MGAT4C: variants seen among roughly 807,000 people sequenced by gnomAD.
MGAT4C encodes MGAT4 family member C, also known as alpha-1,3-mannosyl-glycoprotein 4-beta-N-acetylglucosaminyltransferase C.
Under a neutral mutation model 40.1 loss-of-function variants are expected in MGAT4C, and 19 were observed. The observed-to-expected ratio is 0.47, with a 90% CI of 0.33 to 0.70. MGAT4C has a LOEUF of 0.70. Ranked by LOEUF, MGAT4C falls within the 30% of genes least tolerant of loss-of-function variation. MGAT4C has a pLI of 0.02. For synonymous variants in MGAT4C, 181 were observed against 187.1 expected (o/e 0.97, Z 0.27); for missense variants, 491 against 563.2 (o/e 0.87, Z 1.30).
At chr12:86,027,072 T>C (rs945022661) in intron 2 of MGAT4C, among the ~76,000 whole-genome samples, 1 of 151,956 alleles carries the variant, frequency 6.6e-6, no homozygotes, top group Admixed American at 6.6e-5. Flanking sequence ...AACACATAAC[T>C]ACAATGAATC....
Position 85,969,124 on chromosome 12 carries a change from A to G in MGAT4C, c.*10165T>C, listed in dbSNP as rs1274702457. 6.6e-6 allele frequency: 1 copy of G among 151,764 alleles called. No individual in the cohort carries two copies. Among genetic ancestry groups the G allele is most frequent in the Admixed American group, 6.6e-5 (1 of 15,204 alleles). The allele number at this position is 151,764 out of a possible 1,614,324, so 9.4% of individuals were successfully genotyped here. ...CTAGATTTACAGGGAAGAATTCAGTAGTCTGAAACACACATTTTCAATATA... is the reference window on the plus strand; with the variant it reads ...CTAGATTTACAGGGAAGAATTCAGTGGTCTGAAACACACATTTTCAATATA... On this transcript the variant is annotated 3_prime_UTR_variant, in exon 5 of 5. Coordinates refer to ENST00000611864, the MANE Select transcript of MGAT4C (RefSeq NM_001351288.2).
At chr12:86,567,846 T>A (rs141395368) in intron 2 of MGAT4C, among the ~76,000 whole-genome samples, 1 of 152,324 alleles carries the variant, frequency 6.6e-6, no homozygotes, top group Non-Finnish European at 1.5e-5. Flanking sequence ...GAAAATGTCT[T>A]CATTTTATTT....
intron 2 of MGAT4C, among the ~76,000 whole-genome samples, chr12:86,629,667 G>A (rs1962961832): frequency 2.0e-5 from 3 of 152,202 alleles, no homozygotes; most frequent in South Asian, 2.1e-4. Flanking sequence ...GGTACATAAC[G>A]AAATGAAGGC....
intron 2 of MGAT4C, among the ~76,000 whole-genome samples, chr12:86,490,680 A>T (rs1267908943): frequency 6.6e-6 from 1 of 151,676 alleles, no homozygotes; most frequent in African/African-American, 2.4e-5. Context: ...AGGAAAGCAG[A>T]GACACACATA....
intron 4 of MGAT4C, among the ~76,000 whole-genome samples, chr12:86,297,097 T>G (rs1034813198): frequency 1.1e-4 from 16 of 152,160 alleles, no homozygotes; most frequent in Admixed American, 4.6e-4. Context: ...GTAAAAGAAC[T>G]TTACAGAAGA....
chr12:86,618,995 T>C (rs1962552505), intron 2 of MGAT4C, among the ~76,000 whole-genome samples: 1 of 149,336 alleles, frequency 6.7e-6, no homozygotes, highest in South Asian at 2.1e-4. Context: ...AAAGTAACAA[T>C]AAAATATAAT....
chr12:86,032,748 C>G (rs759542773), intron 2 of MGAT4C, among the ~76,000 whole-genome samples: 1 of 149,402 alleles, frequency 6.7e-6, no homozygotes, highest in Non-Finnish European at 1.5e-5. Context: ...TCTTTCACTG[C>G]GCAGAAGCTT....
At chr12:86,332,271 G>C (rs1223894019) in intron 4 of MGAT4C, among the ~76,000 whole-genome samples, 1 of 152,006 alleles carries the variant, frequency 6.6e-6, no homozygotes, top group Non-Finnish European at 1.5e-5. Context: ...CTGCCACTTT[G>C]CCATTTATTG....
chr12:86,281,347 CT>C (rs1470523369), intron 4 of MGAT4C, among the ~76,000 whole-genome samples: 1 of 151,958 alleles, frequency 6.6e-6, no homozygotes, highest in Non-Finnish European at 1.5e-5. Flanking sequence ...TTTCCTCCCC[CT>C]TTCCTTCCTC....
intron 1 of MGAT4C, among the ~76,000 whole-genome samples, chr12:86,785,936 T>C (rs1307541357): frequency 6.6e-6 from 1 of 152,026 alleles, no homozygotes; most frequent in Non-Finnish European, 1.5e-5. Context: ...GCAACTTAAA[T>C]TTCCATTTAT....
At chr12:86,803,912 C>T (rs954638646) in intron 1 of MGAT4C, among the ~76,000 whole-genome samples, 5 of 148,384 alleles carry the variant, frequency 3.4e-5, no homozygotes, top group East Asian at 2.0e-4. Flanking sequence ...CATCCCATTA[C>T]TGGGTATATA....
At chr12:86,042,257 T>TA (rs1891932313) in intron 2 of MGAT4C, among the ~76,000 whole-genome samples, 1 of 152,242 alleles carries the variant, frequency 6.6e-6, no homozygotes, top group Admixed American at 6.5e-5. Context: ...CTTGCTTCTT[T>TA]ATCCAACCTG....
intron 3 of MGAT4C, among the ~76,000 whole-genome samples, chr12:86,380,024 G>A (rs1026892737): frequency 6.6e-6 from 1 of 151,988 alleles, no homozygotes; most frequent in Non-Finnish European, 1.5e-5. Context: ...TAAGTGTGGC[G>A]ATATCCTAGG....
rs1361492449 is a variant in MGAT4C, at chr12:86,028,139, G to T, written c.-7+21535C>A. ...CTGGATCCCTTTGCCACACTCCTCT[G>T]CACAGTCTTTCTTACAACAAATCTG... On this transcript the variant is annotated intron_variant, in intron 2 of 4. Coordinates refer to ENST00000611864, the MANE Select transcript of MGAT4C (RefSeq NM_001351288.2). 4 of 1,288,064 alleles carry T rather than the reference G, an allele frequency of 3.1e-6. No homozygotes were observed. The African/African-American group carries it at 4.6e-5, about 15-fold the overall frequency. The allele number at this position is 1,288,064 out of a possible 1,614,324, so 79.8% of individuals were successfully genotyped here.
intron 2 of MGAT4C, among the ~76,000 whole-genome samples, chr12:86,027,536 C>T (rs1214713066): frequency 6.6e-6 from 1 of 151,676 alleles, no homozygotes; most frequent in East Asian, 1.9e-4. Flanking sequence ...TCATGAAATT[C>T]ATATGATGAA....
At chr12:86,663,620 C>A (rs1964032939) in intron 2 of MGAT4C, among the ~76,000 whole-genome samples, 1 of 152,026 alleles carries the variant, frequency 6.6e-6, no homozygotes, top group Non-Finnish European at 1.5e-5. Context: ...GTAAACTATT[C>A]TTGTCTATAT....
chr12:86,474,278 A>C (rs1957798226), intron 2 of MGAT4C, among the ~76,000 whole-genome samples: 1 of 149,772 alleles, frequency 6.7e-6, no homozygotes, highest in Non-Finnish European at 1.5e-5. Context: ...AGGACAAAAA[A>C]CCAAACACCG....
At chr12:86,569,535 C>A (rs1051522680) in intron 2 of MGAT4C, among the ~76,000 whole-genome samples, 10 of 151,948 alleles carry the variant, frequency 6.6e-5, no homozygotes, top group African/African-American at 2.4e-4. Flanking sequence ...GACAAAAATA[C>A]CCCAAATTAA....
intron 1 of MGAT4C, among the ~76,000 whole-genome samples, chr12:86,755,032 G>A (rs1951278996): frequency 6.6e-6 from 1 of 152,048 alleles, no homozygotes; most frequent in Non-Finnish European, 1.5e-5. Flanking sequence ...AGTCAATAAT[G>A]TAATAAAATA....
Sources: allele counts gnomAD v4.1 joint callset (sites outside exome capture counted in the v4.1 genomes callset), GRCh38; gene constraint gnomAD v4.1.1; transcripts MANE v1.5; gene names NCBI Gene and HGNC (gene_info 2026-07-23, HGNC 2026-07-21).